Variants in OSTF1 observed in about 807,000 individuals in gnomAD.
The protein encoded by OSTF1 is osteoclast-stimulating factor 1.
A neutral mutation model predicts 37.2 loss-of-function variants in OSTF1; 27 were observed. That is an observed-to-expected ratio of 0.73 (90% CI 0.54 to 1.00). The LOEUF (loss-of-function observed/expected upper bound fraction) is 1.00, where lower values mean the gene tolerates loss of function less well. OSTF1 is among the 50% of genes least tolerant of loss of function. The pLI is 0.00. For missense variants in OSTF1, 232 were observed against 253.8 expected (o/e 0.91, Z 0.58); for synonymous variants, 82 against 89.2 (o/e 0.92, Z 0.46).
intron 1 of OSTF1, among the ~76,000 whole-genome samples, chr9:75,100,821 G>A (rs770937345): frequency 1.3e-5 from 2 of 151,930 alleles, no homozygotes; most frequent in African/African-American, 2.4e-5. Flanking sequence ...GAATTTGACC[G>A]TGGAAGTATT....
Position 75,088,540 on chromosome 9 carries a change from C to G in OSTF1, c.-153C>G. On this transcript the variant is annotated 5_prime_UTR_variant, in exon 1 of 10. Transcript: ENST00000346234. ...CTCGGCGGAGCCGCTCTGCCTGCGT[C>G]CGCTCTTCCCGCAGCCAAGGGTGGG... The G allele has an allele frequency of 1.3e-6, 1 of 794,460 alleles. No individual in the cohort carries two copies. The highest frequency in any genetic ancestry group is 2.1e-6 in the Non-Finnish European group (1 of 484,950). The allele number at this position is 794,460 out of a possible 1,614,324, so 49.2% of individuals were successfully genotyped here.
intron 2 of OSTF1, among the ~76,000 whole-genome samples, chr9:75,125,775 T>C (rs1227088465): frequency 1.3e-5 from 2 of 152,238 alleles, no homozygotes; most frequent in Non-Finnish European, 1.5e-5. Flanking sequence ...GAAATAGTTA[T>C]AATAAGAATG....
intron 1 of OSTF1, among the ~76,000 whole-genome samples, chr9:75,114,583 C>T (rs566423966): frequency 1.4e-5 from 2 of 146,320 alleles, no homozygotes; most frequent in African/African-American, 2.5e-5. Context: ...GACAGGGTCT[C>T]TCTCTGTCAC....
chr9:75,096,112 C>A (rs1320655746), intron 1 of OSTF1, among the ~76,000 whole-genome samples: 1 of 152,150 alleles, frequency 6.6e-6, no homozygotes, highest in Non-Finnish European at 1.5e-5. Context: ...AGGATGGTCT[C>A]GATCTCCTGA....
At chr9:75,142,244 A>G (rs566142625) in intron 9 of OSTF1, among the ~76,000 whole-genome samples, 3 of 152,314 alleles carry the variant, frequency 2.0e-5, no homozygotes, top group African/African-American at 7.2e-5. Context: ...GGAATGGGAA[A>G]GTATCAGCTG....
chr9:75,114,635 C>T (rs1322679517), intron 1 of OSTF1, among the ~76,000 whole-genome samples: 1 of 151,656 alleles, frequency 6.6e-6, no homozygotes, highest in Non-Finnish European at 1.5e-5. Flanking sequence ...TCACTGCAAC[C>T]TCCACCTCCT....
chr9:75,141,047 C>T (rs1825935262), intron 9 of OSTF1, 115 bp downstream of exon 9: 2 of 684,998 alleles, frequency 2.9e-6, no homozygotes, highest in South Asian at 1.8e-5. Flanking sequence ...ACCTGTAATC[C>T]CAGCACTTTG....
intron 9 of OSTF1, among the ~76,000 whole-genome samples, chr9:75,146,104 CTG>C (rs1383589896): frequency 6.6e-6 from 1 of 152,220 alleles, no homozygotes; most frequent in Non-Finnish European, 1.5e-5. Context: ...GAAGGGGTGA[CTG>C]TGAAAGATCA....
Position 75,136,195 on chromosome 9 carries a change from G to A in OSTF1, c.409-1343G>A, listed in dbSNP as rs570685753. Among the ~76,000 whole-genome samples the A allele has an allele frequency of 5.9e-5, 9 of 152,192 alleles. No individual in the cohort carries two copies. The South Asian group carries it at 6.2e-4, about 11-fold the overall frequency. On this transcript the variant is annotated intron_variant, in intron 7 of 9. Transcript: ENST00000346234. ...ATTTTACTCTGATTGTTACTTTTAC[G>A]TAGTATCTTTTTCTTGTTTCATGAC...
intron 9 of OSTF1, among the ~76,000 whole-genome samples, chr9:75,145,162 CCTAT>C (rs1564172051): frequency 2.8e-5 from 4 of 144,308 alleles, no homozygotes; most frequent in South Asian, 2.2e-4. Context: ...TATCTATCTA[CCTAT>C]CTATCTATCT....
chr9:75,088,661 G>T lies in OSTF1; in HGVS notation c.-32G>T, dbSNP rs747208516. Reference sequence around the variant, plus strand: ...GGGCAAGCGGTGGGCTTTTCGGCGGGGTCTTTAGGATTTGCAGCTCCAGGA... The same window carrying T: ...GGGCAAGCGGTGGGCTTTTCGGCGGTGTCTTTAGGATTTGCAGCTCCAGGA... On this transcript the variant is annotated 5_prime_UTR_variant, in exon 1 of 10. Coordinates refer to ENST00000346234, the MANE Select transcript of OSTF1 (RefSeq NM_012383.5). The T allele has an allele frequency of 6.2e-7, 1 of 1,602,200 alleles. No homozygotes were observed. Among genetic ancestry groups the T allele is most frequent in the Non-Finnish European group, 8.5e-7 (1 of 1,174,272 alleles).
At chr9:75,108,448 T>C (rs753263769) in intron 1 of OSTF1, among the ~76,000 whole-genome samples, 2 of 151,968 alleles carry the variant, frequency 1.3e-5, no homozygotes, top group Non-Finnish European at 2.9e-5. Flanking sequence ...TATTAATATA[T>C]TGAAATTCTC....
chr9:75,127,506 C>T (rs1825679916), intron 2 of OSTF1, 63 bp from the exon 3 acceptor site: 1 of 875,698 alleles, frequency 1.1e-6, no homozygotes, highest in Admixed American at 2.4e-5. Context: ...AATTTTGAAT[C>T]TATATAATCA....
At chr9:75,145,172 T>TA (rs371961142) in intron 9 of OSTF1, among the ~76,000 whole-genome samples, 4,235 of 63,488 alleles carry the variant, frequency 0.067, 101 homozygotes, top group Admixed American at 0.1. Flanking sequence ...CCTATCTATC[T>TA]ATCTAATCTA....
intron 1 of OSTF1, among the ~76,000 whole-genome samples, chr9:75,113,770 A>G (rs975832605): frequency 6.6e-6 from 1 of 152,136 alleles, no homozygotes; most frequent in East Asian, 1.9e-4. Flanking sequence ...GCTAATTAAC[A>G]TGTGTTACCT....
chr9:75,143,044 A>G (rs1462056531), intron 9 of OSTF1, among the ~76,000 whole-genome samples: 1 of 151,458 alleles, frequency 6.6e-6, no homozygotes, highest in African/African-American at 2.4e-5. Context: ...GGCTCAAGTG[A>G]TTCTCCTGCC....
Position 75,088,525 on chromosome 9 carries a change from C to A in OSTF1, c.-168C>A. On this transcript the variant is annotated 5_prime_UTR_variant, in exon 1 of 10. Coordinates refer to ENST00000346234, the MANE Select transcript of OSTF1 (RefSeq NM_012383.5). ...GGGCGGGGCGGAGCACTCGGCGGAG[C>A]CGCTCTGCCTGCGTCCGCTCTTCCC... The A allele has an allele frequency of 1.4e-6, 1 of 713,388 alleles. No individual in the cohort carries two copies. The highest frequency in any genetic ancestry group is 2.5e-5 in the Admixed American group (1 of 40,304). The allele number at this position is 713,388 out of a possible 1,614,324, so 44.2% of individuals were successfully genotyped here. A position where few individuals can be genotyped will look rare whatever the true frequency, so the allele number is the denominator to read the frequency against.
chr9:75,127,287 C>G (rs1202414726), intron 2 of OSTF1, among the ~76,000 whole-genome samples: 1 of 152,052 alleles, frequency 6.6e-6, no homozygotes, highest in Non-Finnish European at 1.5e-5. Flanking sequence ...TTTATTAATA[C>G]TCTATTTTGA....
chr9:75,121,016 C>T (rs1226237181), intron 2 of OSTF1, among the ~76,000 whole-genome samples: 1 of 152,202 alleles, frequency 6.6e-6, no homozygotes, highest in African/African-American at 2.4e-5. Context: ...ATAGACACAG[C>T]GTCTGAGGAA....
Sources: allele counts gnomAD v4.1 joint callset (sites outside exome capture counted in the v4.1 genomes callset), GRCh38; gene constraint gnomAD v4.1.1; transcripts MANE v1.5; gene names NCBI Gene and HGNC (gene_info 2026-07-23, HGNC 2026-07-21).